The following GLP1R variants were observed in gnomAD, a reference collection of about 807,000 sequenced individuals.
GLP1R encodes the protein glucagon-like peptide 1 receptor.
Under a neutral mutation model 68.4 loss-of-function variants are expected in GLP1R, and 32 were observed. The ratio of observed to expected loss-of-function variants is 0.47; its 90% CI spans 0.35 to 0.63. GLP1R has a LOEUF of 0.63. Ranked by LOEUF, GLP1R falls within the 20% of genes least tolerant of loss-of-function variation. The pLI is 0.00. For synonymous variants in GLP1R, 263 were observed against 244.4 expected (o/e 1.08, Z -0.71); for missense variants, 502 against 594.9 (o/e 0.84, Z 1.62).
chr6:39,085,701 C>T (rs929279412), intron 12 of GLP1R, among the ~76,000 whole-genome samples: 17 of 152,250 alleles, frequency 1.1e-4, no homozygotes, highest in Admixed American at 5.2e-4. Flanking sequence ...TCAAGCTGAT[C>T]TCTCTCCTGA....
intron 1 of GLP1R, 55 bp downstream of exon 1, chr6:39,048,973 C>T: frequency 1.4e-6 from 1 of 713,160 alleles, no homozygotes; most frequent in South Asian, 2.4e-5. Context: ...CTGCGGGCTG[C>T]AGGCGCAGTG....
At position 39,079,744 on chromosome 6, in the gene GLP1R, G is replaced by T; in HGVS notation, c.1182+42G>T. On this transcript the variant is annotated intron_variant, in intron 11 of 12. Coordinates refer to ENST00000373256, the MANE Select transcript of GLP1R (RefSeq NM_002062.5). This position sits in a 1 kb window ranked among gnomAD's most constrained non-coding sequence, Gnocchi z 4.5. ...GGACACTTGCTTGTAAAGTCCTAGAGTGGGGGTGGGACAGACACCAGCCTG... is the reference window on the plus strand; with the variant it reads ...GGACACTTGCTTGTAAAGTCCTAGATTGGGGGTGGGACAGACACCAGCCTG... 1 of 1,566,418 alleles carries T rather than the reference G, an allele frequency of 6.4e-7. No homozygotes were observed. The highest frequency in any genetic ancestry group is 1.1e-5 in the South Asian group (1 of 89,498).
At chr6:39,064,863 T>C (rs910216233) in intron 3 of GLP1R, among the ~76,000 whole-genome samples, 1 of 152,138 alleles carries the variant, frequency 6.6e-6, no homozygotes, top group Non-Finnish European at 1.5e-5. Context: ...TCTGTGTGAG[T>C]CTTGATTCTC....
At position 39,072,964 on chromosome 6, in the gene GLP1R, G is replaced by A; in HGVS notation, c.612G>A (p.Met204Ile). 6.2e-7 allele frequency: 1 copy of A among 1,614,180 alleles called. No individual in the cohort carries two copies. The highest frequency in any genetic ancestry group is 8.5e-7 in the Non-Finnish European group (1 of 1,179,998). ...VFIKDAALKW[M>I]YSTAAQQHQW... is the part of the protein sequence containing the mutation. The stretch of plus-strand genomic sequence containing the variant: ...TCAAGGACGCAGCCCTGAAGTGGAT[G>A]TATAGCACAGCCGCCCAGCAGCACC... The change falls in exon 6 of 13, where the codon ATG (methionine) becomes ATA (isoleucine). Residue 204 changes from methionine to isoleucine, a missense_variant. Met to Ile is a conservative substitution (Grantham distance 10). Coordinates refer to ENST00000373256, the MANE Select transcript of GLP1R (RefSeq NM_002062.5).
chr6:39,076,819 A>C (rs929209399), intron 7 of GLP1R, among the ~76,000 whole-genome samples: 4 of 152,056 alleles, frequency 2.6e-5, no homozygotes, highest in African/African-American at 9.7e-5. Context: ...GGGCGGTGGG[A>C]GTGGGTATGG....
chr6:39,053,807 A>G (rs1768144956), intron 1 of GLP1R, among the ~76,000 whole-genome samples: 1 of 152,022 alleles, frequency 6.6e-6, no homozygotes, highest in African/African-American at 2.4e-5. Context: ...CCCAGGCCCT[A>G]TGGCACTGGG....
chr6:39,055,911 C>T (rs1214199662), intron 1 of GLP1R, among the ~76,000 whole-genome samples: 1 of 151,536 alleles, frequency 6.6e-6, no homozygotes, highest in African/African-American at 2.4e-5. Context: ...ACTCTGCTTC[C>T]TGGGGGGGCT....
rs1753959402 is a variant in GLP1R, at chr6:39,073,665, A to G, written c.719A>G (p.Asn240Ser). 1 of 1,613,604 alleles carries G rather than the reference A, an allele frequency of 6.2e-7. No individual in the cohort carries two copies. Among genetic ancestry groups the G allele is most frequent in the Non-Finnish European group, 8.5e-7 (1 of 1,179,710 alleles). Residue 240 changes from asparagine to serine, a missense_variant, in exon 7 of 13, where the codon AAT becomes AGT. By Grantham distance (46) the Asn-to-Ser change is conservative (BLOSUM62 1). Coordinates refer to ENST00000373256, the MANE Select transcript of GLP1R (RefSeq NM_002062.5). ...CTCATGCAGTACTGTGTGGCGGCCA[A>G]TTACTACTGGCTCTTGGTGGAGGGC... ...FLLMQYCVAA[N>S]YYWLLVEGVY... is the part of the protein sequence containing the mutation.
intron 12 of GLP1R, among the ~76,000 whole-genome samples, chr6:39,082,477 G>A (rs1015660650): frequency 6.6e-6 from 1 of 152,174 alleles, no homozygotes; most frequent in Admixed American, 6.5e-5. Context: ...GCCCATAAAT[G>A]GGATTCTGGC....
At position 39,079,797 on chromosome 6, in the gene GLP1R, A is replaced by C; in HGVS notation, c.1182+95A>C. 2.5e-6 allele frequency: 3 copies of C among 1,179,898 alleles called. No homozygotes were observed. The highest frequency in any genetic ancestry group is 3.7e-6 in the Non-Finnish European group (3 of 813,296). 73.1% of individuals were successfully genotyped at this position (1,179,898 alleles called of 1,614,324 possible). On this transcript the variant is annotated intron_variant, in intron 11 of 12. Coordinates refer to ENST00000373256, the MANE Select transcript of GLP1R (RefSeq NM_002062.5). This position sits in a 1 kb window ranked among gnomAD's most constrained non-coding sequence, Gnocchi z 4.5. ...TCATGCAGATGGAAAAGGTGGGAAG[A>C]CTGGGACCTGGAGGGGTGATCCCTG...
intron 5 of GLP1R, 131 bp downstream of exon 5, chr6:39,066,434 A>T (rs4711572): frequency 1.7e-6 from 1 of 601,686 alleles, no homozygotes; most frequent in Admixed American, 3.0e-5. Context: ...CTCTCTACAG[A>T]GCCCTGACCG....
intron 1 of GLP1R, among the ~76,000 whole-genome samples, chr6:39,052,457 C>T (rs1768108785): frequency 6.6e-6 from 1 of 152,132 alleles, no homozygotes; most frequent in Non-Finnish European, 1.5e-5. Flanking sequence ...CCTCCTTCCT[C>T]CTTCTGAGAG....
At chr6:39,081,027 G>T (rs10305501) in intron 12 of GLP1R, among the ~76,000 whole-genome samples, 37,704 of 151,674 alleles carry the variant, frequency 0.25, 5,614 homozygotes, top group Non-Finnish European at 0.35. Context: ...GACCCTCTTT[G>T]CTTGGTGGTA....
chr6:39,078,296 C>T (rs1455439170), intron 7 of GLP1R, 26 bp from the exon 8 acceptor site: 3 of 1,582,960 alleles, frequency 1.9e-6, no homozygotes, highest in Non-Finnish European at 1.7e-6. Flanking sequence ...AGCCCCTCTC[C>T]CCTTCTGTCT....
intron 7 of GLP1R, 109 bp from the exon 8 acceptor site, chr6:39,078,213 G>A (rs561522653): frequency 1.1e-4 from 92 of 803,380 alleles, no homozygotes; most frequent in Non-Finnish European, 1.8e-4. Context: ...GCCAGGCAAG[G>A]AGAGGGGCTG....
chr6:39,063,281 A>G (rs1180185501), intron 3 of GLP1R, among the ~76,000 whole-genome samples: 1 of 152,148 alleles, frequency 6.6e-6, no homozygotes. Context: ...ATTTTGCCTC[A>G]CGTCAGAAGA....
chr6:39,066,589 G>A (rs1429566964), intron 5 of GLP1R, among the ~76,000 whole-genome samples: 1 of 152,172 alleles, frequency 6.6e-6, no homozygotes, highest in African/African-American at 2.4e-5. Flanking sequence ...GTCGGTGATG[G>A]GATTACGGAA....
Position 39,088,635 on chromosome 6 carries a change from A to T in GLP1R, c.*2562A>T, listed in dbSNP as rs1300870172. Among the ~76,000 whole-genome samples, 1 of 152,228 alleles carries T rather than the reference A, an allele frequency of 6.6e-6. No individual in the cohort carries two copies. The highest frequency in any genetic ancestry group is 2.1e-4 in the South Asian group (1 of 4,820). ...CTTGTTAGTGGCTTGCATTTTGTCA[A>T]TTTTTCTTTGCCATTTCAGTCTTTC... On this transcript the variant is annotated 3_prime_UTR_variant, in exon 13 of 13. Coordinates refer to ENST00000373256, the MANE Select transcript of GLP1R (RefSeq NM_002062.5).
At chr6:39,063,072 T>C (rs1195570766) in intron 3 of GLP1R, among the ~76,000 whole-genome samples, 1 of 152,234 alleles carries the variant, frequency 6.6e-6, no homozygotes, top group Non-Finnish European at 1.5e-5. Flanking sequence ...GTCCTGGGTA[T>C]GCGGGTCTTT....
Sources: allele counts gnomAD v4.1 joint callset (sites outside exome capture counted in the v4.1 genomes callset), GRCh38; gene constraint gnomAD v4.1.1; non-coding constraint Gnocchi (gnomAD v3.1); transcripts MANE v1.5; gene names NCBI Gene and HGNC (gene_info 2026-07-23, HGNC 2026-07-21).